Variants in AK5 observed in about 807,000 individuals in gnomAD.
AK5 encodes the protein adenylate kinase 5.
AK5 carries 27 observed loss-of-function variants against 69.5 expected under a neutral mutation model. The observed-to-expected ratio is 0.39, with a 90% CI of 0.29 to 0.54. The LOEUF (loss-of-function observed/expected upper bound fraction) is 0.54. AK5 is among the 20% of genes least tolerant of loss of function. The pLI is 0.71. For missense variants in AK5, 531 were observed against 700.4 expected (o/e 0.76, Z 2.73); for synonymous variants, 260 against 244.4 (o/e 1.06, Z -0.60).
intron 10 of AK5, among the ~76,000 whole-genome samples, chr1:77,496,348 T>C (rs1009430625): frequency 3.3e-5 from 5 of 152,082 alleles, no homozygotes; most frequent in African/African-American, 1.2e-4. Flanking sequence ...CCAGGAGAGA[T>C]AGTATGAACT....
At chr1:77,321,143 T>A (rs1253430573) in intron 5 of AK5, among the ~76,000 whole-genome samples, 3 of 152,100 alleles carry the variant, frequency 2.0e-5, no homozygotes, top group Admixed American at 6.6e-5. Flanking sequence ...GTGTGTATGG[T>A]ACATTCACCA....
chr1:77,545,395 A>G (rs977146379), intron 13 of AK5, among the ~76,000 whole-genome samples: 1 of 152,212 alleles, frequency 6.6e-6, no homozygotes, highest in Non-Finnish European at 1.5e-5. Flanking sequence ...AAACACCTCC[A>G]GGTTAACACA....
intron 8 of AK5, among the ~76,000 whole-genome samples, chr1:77,454,690 A>T (rs2100663200): frequency 6.6e-6 from 1 of 152,336 alleles, no homozygotes; most frequent in African/African-American, 2.4e-5. Flanking sequence ...TAACACTTAT[A>T]CCCGCAGCTC....
chr1:77,368,690 T>C (rs1035330610), intron 6 of AK5, among the ~76,000 whole-genome samples: 1 of 152,142 alleles, frequency 6.6e-6, no homozygotes, highest in Non-Finnish European at 1.5e-5. Context: ...CCAGAATCCC[T>C]GTACGGGTTG....
chr1:77,318,230 G>A (rs1332337673), intron 5 of AK5, among the ~76,000 whole-genome samples: 1 of 152,068 alleles, frequency 6.6e-6, no homozygotes, highest in Non-Finnish European at 1.5e-5. Flanking sequence ...GGGGTAGATG[G>A]CACTTCACAT....
chr1:77,308,986 C>T (rs1232170637), intron 5 of AK5, among the ~76,000 whole-genome samples: 2 of 151,184 alleles, frequency 1.3e-5, no homozygotes, highest in African/African-American at 2.4e-5. Flanking sequence ...AAAAGACAAC[C>T]GAGCACCACA....
chr1:77,399,920 C>G (rs975899016), intron 6 of AK5, among the ~76,000 whole-genome samples: 2 of 152,218 alleles, frequency 1.3e-5, no homozygotes, highest in African/African-American at 4.8e-5. Context: ...CCAACCCACA[C>G]AGACCCATAG....
chr1:77,393,402 C>T (rs1338109487), intron 6 of AK5, among the ~76,000 whole-genome samples: 3 of 152,142 alleles, frequency 2.0e-5, no homozygotes, highest in Admixed American at 6.5e-5. Context: ...AAGCTAGGCA[C>T]AGATTGGGAC....
chr1:77,492,796 G>C (rs1182832824), intron 10 of AK5, among the ~76,000 whole-genome samples: 1 of 152,198 alleles, frequency 6.6e-6, no homozygotes, highest in Non-Finnish European at 1.5e-5. Context: ...GTAGCAGGAG[G>C]TCCCAAAGCA....
intron 13 of AK5, among the ~76,000 whole-genome samples, chr1:77,541,366 G>A (rs1659262522): frequency 6.6e-6 from 1 of 152,182 alleles, no homozygotes; most frequent in Non-Finnish European, 1.5e-5. Flanking sequence ...TGAGGCTGCA[G>A]TGAACCAAGA....
intron 6 of AK5, among the ~76,000 whole-genome samples, chr1:77,367,523 T>C (rs1646973603): frequency 8.6e-6 from 1 of 115,640 alleles, no homozygotes; most frequent in African/African-American, 3.2e-5. Flanking sequence ...GAGACAGGTT[T>C]TCCCTATGTT....
intron 10 of AK5, among the ~76,000 whole-genome samples, chr1:77,492,609 A>G (rs1049005727): frequency 6.6e-6 from 1 of 152,228 alleles, no homozygotes; most frequent in African/African-American, 2.4e-5. Flanking sequence ...TTCCAAGCAA[A>G]TAACCTCAAA....
At position 77,536,016 on chromosome 1, in the gene AK5, A is replaced by G. The variant is rs1230845441; in HGVS notation, c.1598A>G (p.Glu533Gly). ...TCCATCCCCGTGATCGCCTACTACG[A>G]GACAAAAACACAGCTACACAAGGCG... is the stretch of plus-strand genomic sequence containing the variant. ...RASIPVIAYY[E>G]TKTQLHKINA... Residue 533 changes from glutamate to glycine, a missense_variant, in exon 13 of 14, where the codon GAG (glutamate) becomes GGG (glycine). Glu to Gly is a moderately conservative substitution (Grantham distance 98). Coordinates refer to ENST00000354567, the MANE Select transcript of AK5 (RefSeq NM_174858.3). 2 of 1,613,122 alleles carry G rather than the reference A, an allele frequency of 1.2e-6. No homozygotes were observed. Among genetic ancestry groups the G allele is most frequent in the African/African-American group, 1.3e-5 (1 of 74,712 alleles).
At chr1:77,390,246 A>G (rs1293513073) in intron 6 of AK5, among the ~76,000 whole-genome samples, 2 of 152,234 alleles carry the variant, frequency 1.3e-5, no homozygotes, top group Non-Finnish European at 2.9e-5. Flanking sequence ...AAAAAGCCAC[A>G]TAAGCACAGT....
intron 13 of AK5, among the ~76,000 whole-genome samples, chr1:77,546,129 G>A (rs943972299): frequency 3.3e-5 from 5 of 152,222 alleles, no homozygotes; most frequent in East Asian, 3.9e-4. Context: ...TGCTTGCTGC[G>A]TGTGTGTCTC....
intron 13 of AK5, among the ~76,000 whole-genome samples, chr1:77,547,857 A>G (rs901074336): frequency 5.9e-5 from 9 of 152,172 alleles, no homozygotes; most frequent in African/African-American, 1.9e-4. Context: ...TGCTAGTCAG[A>G]TTTCAAGTGC....
intron 2 of AK5, among the ~76,000 whole-genome samples, chr1:77,287,718 G>A (rs1289391160): frequency 1.3e-5 from 2 of 152,202 alleles, no homozygotes; most frequent in Non-Finnish European, 2.9e-5. Context: ...GCCACGTGGT[G>A]GAAGAAGATT....
At chr1:77,435,644 C>CA (rs1202203579) in intron 8 of AK5, among the ~76,000 whole-genome samples, 2,093 of 65,870 alleles carry the variant, frequency 0.032, 20 homozygotes, top group African/African-American at 0.052. Context: ...GACTCTGTCT[C>CA]AAAAAAAAAA....
chr1:77,364,642 C>A (rs575077270), intron 6 of AK5, among the ~76,000 whole-genome samples: 1 of 152,234 alleles, frequency 6.6e-6, no homozygotes, highest in East Asian at 1.9e-4. Context: ...CTGTTCCTGG[C>A]TTATTTTACT....
Sources: allele counts gnomAD v4.1 joint callset (sites outside exome capture counted in the v4.1 genomes callset), GRCh38; gene constraint gnomAD v4.1.1; transcripts MANE v1.5; gene names NCBI Gene and HGNC (gene_info 2026-07-23, HGNC 2026-07-21).